FCHO2: variants seen among roughly 807,000 people sequenced by gnomAD.
FCHO2 encodes FCH and mu domain containing endocytic adaptor 2, also known as F-BAR domain only protein 2.
FCHO2 carries 43 observed loss-of-function variants against 114.1 expected under a neutral mutation model. The ratio of observed to expected loss-of-function variants is 0.38; its 90% CI spans 0.30 to 0.49. FCHO2 has a LOEUF of 0.49. Among genes scored for constraint, FCHO2 ranks in the 20% least tolerant of loss-of-function variants. The pLI, the probability that FCHO2 is intolerant of heterozygous loss-of-function variation, is 0.97. For synonymous variants in FCHO2, 293 were observed against 315.2 expected (o/e 0.93, Z 0.75); for missense variants, 807 against 950.4 (o/e 0.85, Z 1.98).
intron 2 of FCHO2, among the ~76,000 whole-genome samples, chr5:72,978,399 GCTCT>G (rs1485096776): frequency 6.6e-6 from 1 of 152,046 alleles, no homozygotes; most frequent in Non-Finnish European, 1.5e-5. Context: ...TCATGATTTA[GCTCT>G]CTGTTTGTCT....
Position 73,070,653 on chromosome 5 carries a change from A to G in FCHO2, c.1579+1874A>G, listed in dbSNP as rs1412478772. Among the ~76,000 whole-genome samples the G allele has an allele frequency of 2.0e-5, 3 of 150,966 alleles. No homozygotes were observed. In the South Asian group the frequency reaches 6.3e-4, roughly 31 times the overall value. ...ACTTTAATTTCTATTGAATTGGTACATATTAGTTTATGGTTTGAGACATTG... is the reference window on the plus strand; with the variant it reads ...ACTTTAATTTCTATTGAATTGGTACGTATTAGTTTATGGTTTGAGACATTG... On this transcript the variant is annotated intron_variant, in intron 19 of 25. Transcript: ENST00000430046.
At chr5:72,968,061 A>G (rs1752300463) in intron 1 of FCHO2, among the ~76,000 whole-genome samples, 1 of 151,440 alleles carries the variant, frequency 6.6e-6, no homozygotes, top group Non-Finnish European at 1.5e-5. Context: ...AGTAGCTGGG[A>G]CTACAGGTGC....
intron 1 of FCHO2, 51 bp from the exon 2 acceptor site, chr5:72,968,447 A>G: frequency 7.8e-7 from 1 of 1,282,918 alleles, no homozygotes; most frequent in Non-Finnish European, 1.1e-6. Context: ...TATATTCTCA[A>G]GTCATTTTTA....
intron 15 of FCHO2, among the ~76,000 whole-genome samples, chr5:73,055,695 C>T (rs547049438): frequency 6.6e-6 from 1 of 152,260 alleles, no homozygotes; most frequent in East Asian, 1.9e-4. Flanking sequence ...ATTCTTAGAA[C>T]TTGAAAAATG....
intron 18 of FCHO2, among the ~76,000 whole-genome samples, chr5:73,065,826 TGTACCCA>T (rs1742291343): frequency 2.6e-5 from 4 of 151,978 alleles, no homozygotes; most frequent in Admixed American, 2.0e-4. Context: ...GGGCTTTTGG[TGTACCCA>T]TTAACTGAGT....
chr5:73,072,743 AGTT>A (rs1742716522), intron 19 of FCHO2, among the ~76,000 whole-genome samples: 1 of 151,950 alleles, frequency 6.6e-6, no homozygotes, highest in Non-Finnish European at 1.5e-5. Context: ...AACTGGTGGG[AGTT>A]GTTGTTTCAT....
At chr5:73,082,112 T>C (rs964032881) in intron 23 of FCHO2, 130 bp downstream of exon 23, 34 of 686,318 alleles carry the variant, frequency 5.0e-5, no homozygotes, top group African/African-American at 1.3e-4. Context: ...GAAACCACGC[T>C]GTAAAAGATG....
At chr5:73,020,063 C>T (rs1315025822) in intron 8 of FCHO2, among the ~76,000 whole-genome samples, 2 of 152,048 alleles carry the variant, frequency 1.3e-5, no homozygotes, top group Middle Eastern at 3.2e-3. Flanking sequence ...TGTTGGTTAC[C>T]AAAAAGCTCC....
chr5:73,024,316 C>T (rs995444483), intron 8 of FCHO2, among the ~76,000 whole-genome samples: 2 of 152,218 alleles, frequency 1.3e-5, no homozygotes, highest in Non-Finnish European at 2.9e-5. Flanking sequence ...TCTGTCTCAG[C>T]CTCCTGAAGT....
chr5:73,056,049 T>C lies in FCHO2; in HGVS notation c.1211-16T>C. 6.8e-7 allele frequency: 1 copy of C among 1,470,690 alleles called. No homozygotes were observed. Among genetic ancestry groups the C allele is most frequent in the Non-Finnish European group, 9.1e-7 (1 of 1,095,684 alleles). The allele number at this position is 1,470,690 out of a possible 1,614,324, so 91.1% of individuals were successfully genotyped here. A position where few individuals can be genotyped will look rare whatever the true frequency, so the allele number is the denominator to read the frequency against. On this transcript the variant is annotated splice_polypyrimidine_tract_variant and intron_variant, in intron 15 of 25. Transcript: ENST00000430046. The stretch of plus-strand genomic sequence containing the variant: ...TCTCAGATTATGAAGTTTTCATATT[T>C]TAATTTTTTAATTAGATGAGGAGTT...
chr5:73,003,681 G>A (rs1754564692), intron 5 of FCHO2, among the ~76,000 whole-genome samples: 1 of 152,068 alleles, frequency 6.6e-6, no homozygotes, highest in African/African-American at 2.4e-5. Context: ...ATCAGGATGA[G>A]GTATTAGGAA....
At chr5:73,087,320 C>T (rs1743345302) in intron 24 of FCHO2, among the ~76,000 whole-genome samples, 1 of 152,090 alleles carries the variant, frequency 6.6e-6, no homozygotes, top group Non-Finnish European at 1.5e-5. Flanking sequence ...TCTTTTGACT[C>T]GCCTCAACAT....
At chr5:73,045,564 T>C (rs945425211) in intron 11 of FCHO2, among the ~76,000 whole-genome samples, 4 of 152,224 alleles carry the variant, frequency 2.6e-5, no homozygotes, top group African/African-American at 7.2e-5. Context: ...CTATGAACAA[T>C]TGTGTACAGG....
At chr5:73,046,319 AC>A (rs891416818) in intron 11 of FCHO2, among the ~76,000 whole-genome samples, 8 of 150,596 alleles carry the variant, frequency 5.3e-5, no homozygotes, top group Admixed American at 2.0e-4. Context: ...CTCCTGTTTG[AC>A]CCCCCCAAAA....
At chr5:73,026,033 C>T (rs554913450) in intron 8 of FCHO2, among the ~76,000 whole-genome samples, 2 of 152,292 alleles carry the variant, frequency 1.3e-5, no homozygotes, top group African/African-American at 2.4e-5. Context: ...TGGTGGCTCA[C>T]GCCTGTAATC....
At chr5:73,025,375 A>ATTTTTTTT in intron 8 of FCHO2, among the ~76,000 whole-genome samples, 1 of 100,492 alleles carries the variant, frequency 1.0e-5, no homozygotes, top group Non-Finnish European at 2.0e-5. Flanking sequence ...CACCCAGCTA[A>ATTTTTTTT]TTTTTTTTTT....
At chr5:73,023,338 A>T (rs1421673664) in intron 8 of FCHO2, among the ~76,000 whole-genome samples, 1 of 152,222 alleles carries the variant, frequency 6.6e-6, no homozygotes, top group African/African-American at 2.4e-5. Flanking sequence ...TAAAACTAGA[A>T]GATAAAAGTT....
At chr5:72,999,130 G>T (rs1014812166) in intron 5 of FCHO2, among the ~76,000 whole-genome samples, 1 of 152,030 alleles carries the variant, frequency 6.6e-6, no homozygotes, top group African/African-American at 2.4e-5. Context: ...AGAGGAAGGG[G>T]TGCTTTTTTC....
At chr5:72,958,838 C>T (rs540312788) in intron 1 of FCHO2, among the ~76,000 whole-genome samples, 1 of 152,310 alleles carries the variant, frequency 6.6e-6, no homozygotes, top group East Asian at 1.9e-4. Context: ...AAGTTGCTAA[C>T]TTAATTCCAA....
Sources: allele counts gnomAD v4.1 joint callset (sites outside exome capture counted in the v4.1 genomes callset), GRCh38; gene constraint gnomAD v4.1.1; transcripts MANE v1.5; gene names NCBI Gene and HGNC (gene_info 2026-07-23, HGNC 2026-07-21).